Variants in SEMA3E observed in about 807,000 individuals in gnomAD.
SEMA3E encodes semaphorin-3E.
A neutral mutation model predicts 93.6 loss-of-function variants in SEMA3E; 49 were observed. That is an observed-to-expected ratio of 0.52 (90% CI 0.42 to 0.66). The LOEUF (loss-of-function observed/expected upper bound fraction) is 0.66, where lower values mean the gene tolerates loss of function less well. Among genes scored for constraint, SEMA3E ranks in the 30% least tolerant of loss-of-function variants. SEMA3E has a pLI of 0.00. For synonymous variants in SEMA3E, 363 were observed against 330.7 expected (o/e 1.10, Z -1.06); for missense variants, 906 against 964.8 (o/e 0.94, Z 0.81).
chr7:83,440,257 A>C (rs763922909), intron 4 of SEMA3E, among the ~76,000 whole-genome samples: 1 of 152,146 alleles, frequency 6.6e-6, no homozygotes, highest in African/African-American at 2.4e-5. Context: ...AATGAGGTAC[A>C]TAGTGTTATG....
chr7:83,585,493 T>G (rs545958190), intron 1 of SEMA3E, among the ~76,000 whole-genome samples: 2 of 152,264 alleles, frequency 1.3e-5, no homozygotes, highest in South Asian at 4.1e-4. Context: ...TGGAGATTTG[T>G]ATTTATGAGT....
intron 3 of SEMA3E, 121 bp downstream of exon 3, chr7:83,469,120 TTC>T: frequency 1.4e-6 from 1 of 734,250 alleles, no homozygotes; most frequent in Non-Finnish European, 2.3e-6. Context: ...ATATTTTTTC[TTC>T]ATGAACCAAA....
chr7:83,580,371 G>A (rs1226400574), intron 1 of SEMA3E, among the ~76,000 whole-genome samples: 2 of 151,830 alleles, frequency 1.3e-5, no homozygotes, highest in Non-Finnish European at 2.9e-5. Flanking sequence ...TAAAATGCTA[G>A]AACCTATAGA....
At chr7:83,384,939 A>G (rs923030789) in intron 16 of SEMA3E, among the ~76,000 whole-genome samples, 1 of 151,908 alleles carries the variant, frequency 6.6e-6, no homozygotes, top group South Asian at 2.1e-4. Context: ...TTTCTCTACA[A>G]CACTGCCTTG....
At chr7:83,479,592 T>C (rs1790099774) in intron 2 of SEMA3E, among the ~76,000 whole-genome samples, 2 of 152,218 alleles carry the variant, frequency 1.3e-5, no homozygotes, top group Non-Finnish European at 2.9e-5. Context: ...GTGCTTACTA[T>C]GTTCCAGGCA....
chr7:83,464,130 C>T (rs907260919), intron 4 of SEMA3E, among the ~76,000 whole-genome samples: 4 of 152,044 alleles, frequency 2.6e-5, no homozygotes, highest in South Asian at 2.1e-4. Flanking sequence ...TTCAGTGAAA[C>T]CTTTATATCC....
At chr7:83,612,273 A>G (rs1166383239) in intron 1 of SEMA3E, among the ~76,000 whole-genome samples, 1 of 152,176 alleles carries the variant, frequency 6.6e-6, no homozygotes, top group East Asian at 1.9e-4. Flanking sequence ...TAATTAGGGC[A>G]GGAAATTTGT....
chr7:83,613,736 C>T (rs150721097), intron 1 of SEMA3E, among the ~76,000 whole-genome samples: 1 of 152,124 alleles, frequency 6.6e-6, no homozygotes, highest in African/African-American at 2.4e-5. Flanking sequence ...GATACAAACA[C>T]ATTTTGAGGC....
intron 1 of SEMA3E, among the ~76,000 whole-genome samples, chr7:83,563,589 C>G (rs111861087): frequency 6.6e-6 from 1 of 152,178 alleles, no homozygotes. Flanking sequence ...GCCCAGCATG[C>G]TGGGTTGTAT....
chr7:83,547,348 G>A (rs1791674500), intron 1 of SEMA3E, among the ~76,000 whole-genome samples: 1 of 152,056 alleles, frequency 6.6e-6, no homozygotes, highest in African/African-American at 2.4e-5. Context: ...TCATCGAGAT[G>A]CTGTCAGTAG....
chr7:83,431,136 T>C (rs1788874538), intron 4 of SEMA3E, among the ~76,000 whole-genome samples: 1 of 151,048 alleles, frequency 6.6e-6, no homozygotes, highest in East Asian at 1.9e-4. Context: ...CTGCTATTAA[T>C]ATATAATATA....
intron 1 of SEMA3E, among the ~76,000 whole-genome samples, chr7:83,548,942 C>T (rs1354967823): frequency 6.6e-6 from 1 of 152,064 alleles, no homozygotes; most frequent in Non-Finnish European, 1.5e-5. Context: ...AGAACAAAAT[C>T]CAGGAAGAAG....
rs749273871 is a variant in SEMA3E, at chr7:83,365,355, T to C, written c.*2231A>G. On this transcript the variant is annotated 3_prime_UTR_variant, in exon 17 of 17. Coordinates refer to ENST00000643230, the MANE Select transcript of SEMA3E (RefSeq NM_012431.3). ...TGTGTGTGTATAATTATATGTAAAA[T>C]TTAGTGGTCTCACCAAATTGTGGAC... The C allele has an allele frequency of 1.3e-5, 2 of 152,194 alleles. No individual in the cohort carries two copies. Among genetic ancestry groups the C allele is most frequent in the African/African-American group, 4.8e-5 (2 of 41,446 alleles). 9.4% of individuals were successfully genotyped at this position (152,194 alleles called of 1,614,324 possible).
At chr7:83,510,380 A>G (rs1180524233) in intron 1 of SEMA3E, among the ~76,000 whole-genome samples, 2 of 152,168 alleles carry the variant, frequency 1.3e-5, no homozygotes, top group African/African-American at 2.4e-5. Flanking sequence ...TTTTAACTGT[A>G]TTGTGTATTG....
chr7:83,408,625 A>G, intron 5 of SEMA3E, 138 bp from the exon 6 acceptor site: 1 of 1,009,392 alleles, frequency 9.9e-7, no homozygotes, highest in Non-Finnish European at 1.5e-6. Context: ...CATGGATGGT[A>G]TAGTAAGACT....
chr7:83,553,946 T>C lies in SEMA3E; in HGVS notation c.116-63672A>G, dbSNP rs12666461. On this transcript the variant is annotated intron_variant, in intron 1 of 16. Coordinates refer to ENST00000643230, the MANE Select transcript of SEMA3E (RefSeq NM_012431.3). ...ACCTATCATTCAAATCTAAATGTTA[T>C]CAAGATTTTGCTCTAATTGCTTTCC... 2.4e-4 allele frequency among the ~76,000 whole-genome samples: 37 copies of C among 152,280 alleles called. No homozygotes were observed. The East Asian group carries it at 6.6e-3, about 27-fold the overall frequency.
chr7:83,577,801 C>A (rs1390131904), intron 1 of SEMA3E, among the ~76,000 whole-genome samples: 1 of 151,912 alleles, frequency 6.6e-6, no homozygotes, highest in East Asian at 1.9e-4. Context: ...AGGAATATTT[C>A]TCAATTCAGA....
intron 1 of SEMA3E, among the ~76,000 whole-genome samples, chr7:83,545,327 C>G (rs1480814748): frequency 2.0e-5 from 3 of 151,884 alleles, no homozygotes; most frequent in African/African-American, 7.3e-5. Context: ...CCATGCCTTC[C>G]CCCAGTCCCA....
At chr7:83,645,024 C>T (rs10251607) in intron 1 of SEMA3E, among the ~76,000 whole-genome samples, 2,653 of 152,052 alleles carry the variant, frequency 0.017, 73 homozygotes, top group African/African-American at 0.059. Flanking sequence ...CTGGGGCTTT[C>T]CATGTACATC....
Sources: gnomAD v4.1 joint callset for allele counts (sites outside exome capture counted in the v4.1 genomes callset) on GRCh38, gnomAD v4.1.1 for gene constraint, MANE v1.5 for transcripts, NCBI Gene and HGNC (gene_info 2026-07-23, HGNC 2026-07-21) for gene names.